The following ZBTB44 variants were observed in gnomAD, a reference collection of about 807,000 sequenced individuals.
The protein encoded by ZBTB44 is zinc finger and BTB domain-containing protein 44.
A neutral mutation model predicts 54.0 loss-of-function variants in ZBTB44; 15 were observed. That is an observed-to-expected ratio of 0.28 (90% CI 0.19 to 0.43). The LOEUF is 0.43. ZBTB44 is among the 20% of genes least tolerant of loss of function. The pLI, the probability that ZBTB44 is intolerant of heterozygous loss-of-function variation, is 1.00. For synonymous variants in ZBTB44, 230 were observed against 250.1 expected (o/e 0.92, Z 0.76); for missense variants, 487 against 707.1 (o/e 0.69, Z 3.53).
At position 130,260,799 on chromosome 11, in the gene ZBTB44, C is replaced by A. The variant is rs1267987662; in HGVS notation, c.1018+57G>T. ...CACAAAACTTTTTATCTAACAGGAA[C>A]TTAAAAATGTTTGAATTGACTTTAT... On this transcript the variant is annotated intron_variant, in intron 2 of 7. Coordinates refer to ENST00000357899, the MANE Select transcript of ZBTB44 (RefSeq NM_001301098.2). 4 of 1,512,774 alleles carry A rather than the reference C, an allele frequency of 2.6e-6. No homozygotes were observed. The African/African-American group carries it at 4.2e-5, about 16-fold the overall frequency. The allele number at this position is 1,512,774 out of a possible 1,614,324, so 93.7% of individuals were successfully genotyped here.
At position 130,302,112 on chromosome 11, in the gene ZBTB44, A is replaced by C. The variant is rs543711410; in HGVS notation, c.-57+12263T>G. Among the ~76,000 whole-genome samples, 4 of 152,270 alleles carry C rather than the reference A, an allele frequency of 2.6e-5. No individual in the cohort carries two copies. In the South Asian group the frequency reaches 8.3e-4, roughly 32 times the overall value. Reference sequence around the variant, plus strand: ...TATAGTTAATACTTACATAGTACCCAATATGTGCCAAGTATTGTTCTAAGT... The same window carrying C: ...TATAGTTAATACTTACATAGTACCCCATATGTGCCAAGTATTGTTCTAAGT... On this transcript the variant is annotated intron_variant, in intron 1 of 7. Coordinates refer to ENST00000357899, the MANE Select transcript of ZBTB44 (RefSeq NM_001301098.2).
intron 3 of ZBTB44, 189 bp from the exon 4 acceptor site, chr11:130,238,796 T>A: frequency 1.6e-6 from 1 of 640,506 alleles, no homozygotes; most frequent in Non-Finnish European, 2.4e-6. Flanking sequence ...GCCTTTTGTT[T>A]TTTTTTTTTA....
chr11:130,255,566 G>C (rs1253308592), intron 2 of ZBTB44, among the ~76,000 whole-genome samples: 2 of 152,084 alleles, frequency 1.3e-5, no homozygotes. Context: ...GAGCAGAACC[G>C]AAAGAGACAC....
intron 1 of ZBTB44, among the ~76,000 whole-genome samples, chr11:130,277,393 TCCC>T (rs1940183480): frequency 6.6e-6 from 1 of 152,184 alleles, no homozygotes; most frequent in African/African-American, 2.4e-5. Context: ...GTCAATTCCC[TCCC>T]CCATTTATAG....
intron 1 of ZBTB44, among the ~76,000 whole-genome samples, chr11:130,298,884 C>T (rs575198167): frequency 6.6e-6 from 1 of 151,612 alleles, no homozygotes; most frequent in Admixed American, 6.6e-5. Flanking sequence ...GATAAAAGAT[C>T]TGCAGCTTGG....
chr11:130,227,867 C>T lies in ZBTB44; in HGVS notation c.*3897G>A, dbSNP rs901213612. On this transcript the variant is annotated 3_prime_UTR_variant, in exon 8 of 8. Coordinates refer to ENST00000357899, the MANE Select transcript of ZBTB44 (RefSeq NM_001301098.2). ...GGTCTTATTACCTCAGTCTGACTTT[C>T]TCATTATGCTTCTCTGGAAAGACAC... 1.3e-5 allele frequency: 2 copies of T among 152,110 alleles called. No individual in the cohort carries two copies. The highest frequency in any genetic ancestry group is 2.9e-5 in the Non-Finnish European group (2 of 68,032). The allele number at this position is 152,110 out of a possible 1,614,324, so 9.4% of individuals were successfully genotyped here. A position where few individuals can be genotyped will look rare whatever the true frequency, so the allele number is the denominator to read the frequency against.
Position 130,266,860 on chromosome 11 carries a change from AG to A in ZBTB44, c.-56-4932del, listed in dbSNP as rs535255339. Among the ~76,000 whole-genome samples, 240 of 152,362 alleles carry A rather than the reference AG, an allele frequency of 1.6e-3. 3 individuals carry two copies. The highest frequency in any genetic ancestry group is 5.7e-3 in the African/African-American group (236 of 41,582). ...GGAGTCTACTCCTGGTGAAGATACT[AG>A]GAACACTGTTGAAATGACAATAAAT... On this transcript the variant is annotated intron_variant, in intron 1 of 7. Transcript: ENST00000357899.
Position 130,296,947 on chromosome 11 carries a change from G to A in ZBTB44, c.-57+17428C>T, listed in dbSNP as rs559341607. 5.4e-5 allele frequency: 40 copies of A among 745,442 alleles called. No individual in the cohort carries two copies. In the East Asian group the frequency reaches 6.9e-4, roughly 13 times the overall value. 46.2% of individuals were successfully genotyped at this position (745,442 alleles called of 1,614,324 possible). ...GGCAATGAAGGCAAGCAGAAAAAGC[G>A]AGGAGGTGGTGGTGGATTTGACTAC... On this transcript the variant is annotated intron_variant, in intron 1 of 7. Transcript: ENST00000357899.
At chr11:130,309,573 T>C (rs959463828) in intron 1 of ZBTB44, among the ~76,000 whole-genome samples, 3 of 152,158 alleles carry the variant, frequency 2.0e-5, no homozygotes, top group Admixed American at 6.5e-5. Flanking sequence ...TTTATGCCAG[T>C]TTTGTTGTAG....
At chr11:130,267,365 C>G (rs1300288086) in intron 1 of ZBTB44, among the ~76,000 whole-genome samples, 1 of 152,032 alleles carries the variant, frequency 6.6e-6, no homozygotes, top group South Asian at 2.1e-4. Context: ...GCTGCAAGTA[C>G]TGATGTCAAA....
intron 1 of ZBTB44, among the ~76,000 whole-genome samples, chr11:130,280,895 T>C (rs775617357): frequency 4.6e-5 from 7 of 152,224 alleles, no homozygotes; most frequent in South Asian, 4.1e-4. Flanking sequence ...TTTAATATAA[T>C]GTTTAATAGG....
At chr11:130,310,933 A>C (rs760201694) in intron 1 of ZBTB44, among the ~76,000 whole-genome samples, 3 of 152,132 alleles carry the variant, frequency 2.0e-5, no homozygotes, top group Non-Finnish European at 4.4e-5. Flanking sequence ...CATTATTTTG[A>C]CTTCTACACT....
chr11:130,274,880 A>G (rs1265824102), intron 1 of ZBTB44, among the ~76,000 whole-genome samples: 3 of 152,188 alleles, frequency 2.0e-5, no homozygotes, highest in Admixed American at 6.5e-5. Flanking sequence ...ATAAAATGAT[A>G]TGGGAACAGC....
chr11:130,268,714 G>A (rs1431080563), intron 1 of ZBTB44, among the ~76,000 whole-genome samples: 2 of 151,798 alleles, frequency 1.3e-5, no homozygotes, highest in South Asian at 2.1e-4. Context: ...GAGTAGTTGC[G>A]AATACAGTCG....
intron 1 of ZBTB44, among the ~76,000 whole-genome samples, chr11:130,268,713 C>T (rs191139002): frequency 7.9e-5 from 12 of 151,878 alleles, no homozygotes; most frequent in East Asian, 2.0e-4. Flanking sequence ...TGAGTAGTTG[C>T]GAATACAGTC....
intron 1 of ZBTB44, among the ~76,000 whole-genome samples, chr11:130,278,077 AC>A (rs113577075): frequency 0.013 from 1,975 of 152,320 alleles, 48 homozygotes; most frequent in African/African-American, 0.045. Context: ...TTAAATTGCT[AC>A]ATTTTTCTTA....
At chr11:130,280,997 C>T (rs2134268031) in intron 1 of ZBTB44, among the ~76,000 whole-genome samples, 1 of 152,192 alleles carries the variant, frequency 6.6e-6, no homozygotes, top group Admixed American at 6.5e-5. Flanking sequence ...TGCCCTTTGC[C>T]AGGTTGGGGA....
chr11:130,249,894 G>A (rs1445830684), intron 2 of ZBTB44, among the ~76,000 whole-genome samples: 1 of 152,182 alleles, frequency 6.6e-6, no homozygotes, highest in African/African-American at 2.4e-5. Context: ...TGGAACCACA[G>A]TGAGACAGAA....
At chr11:130,263,393 C>T (rs572537397) in intron 1 of ZBTB44, among the ~76,000 whole-genome samples, 56 of 152,248 alleles carry the variant, frequency 3.7e-4, no homozygotes, top group East Asian at 1.2e-3. Context: ...ATATATAAAG[C>T]GTTTTGTTCA....
Sources: gnomAD v4.1 joint callset for allele counts (sites outside exome capture counted in the v4.1 genomes callset) on GRCh38, gnomAD v4.1.1 for gene constraint, MANE v1.5 for transcripts, NCBI Gene and HGNC (gene_info 2026-07-23, HGNC 2026-07-21) for gene names.